ZFP42: variants seen among roughly 807,000 people sequenced by gnomAD.
ZFP42 encodes the protein ZFP42 zinc finger protein, also known as zinc finger protein 42 homolog.
For missense variants in ZFP42, 438 were observed against 377.1 expected (o/e 1.16, Z -1.34); for synonymous variants, 175 against 144.6 (o/e 1.21, Z -1.51).
chr4:187,997,007 G>GGAGCA (rs1733607814), intron 1 of ZFP42, among the ~76,000 whole-genome samples: 6 of 18,042 alleles, frequency 3.3e-4, no homozygotes, highest in South Asian at 5.7e-3. Context: ...AGCATGGAGC[G>GGAGCA]TGGAGCGTGG....
Position 188,002,177 on chromosome 4 carries a change from CAAAAAAAAA to C in ZFP42, c.-95-535_-95-527del, listed in dbSNP as rs1378707822. Among the ~76,000 whole-genome samples the C allele has an allele frequency of 3.3e-5, 5 of 150,454 alleles. No homozygotes were observed. In the South Asian group the frequency reaches 6.3e-4, roughly 19 times the overall value. On this transcript the variant is annotated intron_variant, in intron 3 of 3. Coordinates refer to ENST00000326866, the MANE Select transcript of ZFP42 (RefSeq NM_174900.5). ...GGGCGACAGAGTGAGACTCCGTCTC[CAAAAAAAAA>C]GAAGAAAAAGAAAAGACAGTATTTT...
intron 3 of ZFP42, among the ~76,000 whole-genome samples, chr4:188,001,895 A>T (rs1448323751): frequency 1.3e-5 from 2 of 152,214 alleles, no homozygotes; most frequent in Non-Finnish European, 2.9e-5. Flanking sequence ...AGAAAACAAT[A>T]GGGCCAGGCA....
At chr4:188,001,103 TG>T (rs1733793961) in intron 3 of ZFP42, among the ~76,000 whole-genome samples, 1 of 152,180 alleles carries the variant, frequency 6.6e-6, no homozygotes, top group Non-Finnish European at 1.5e-5. Flanking sequence ...CCCCTACAGT[TG>T]GAACACATTT....
downstream of ZFP42, chr4:188,005,107 A>G (rs1461508199): frequency 6.0e-6 from 1 of 167,020 alleles, no homozygotes; most frequent in African/African-American, 2.4e-5. Flanking sequence ...GATACCATTT[A>G]TTTGTTCTTA....
chr4:188,001,830 G>A (rs566934880), intron 3 of ZFP42, among the ~76,000 whole-genome samples: 7 of 152,190 alleles, frequency 4.6e-5, no homozygotes, highest in Non-Finnish European at 8.8e-5. Flanking sequence ...ACCATAATCC[G>A]TGCTAAGCAC....
intron 3 of ZFP42, among the ~76,000 whole-genome samples, chr4:188,002,019 C>T (rs1039224862): frequency 2.6e-5 from 4 of 151,916 alleles, no homozygotes; most frequent in African/African-American, 9.7e-5. Flanking sequence ...TCTACTAAAA[C>T]TAGAAAAAGT....
Position 188,002,816 on chromosome 4 carries a change from G to T in ZFP42, c.9G>T (p.Gln3His), listed in dbSNP as rs1733880806. Residue 3 changes from glutamine to histidine, a missense_variant, in exon 4 of 4, where the codon CAG becomes CAT. By Grantham distance (24) the Gln-to-His change is conservative. Coordinates refer to ENST00000326866, the MANE Select transcript of ZFP42 (RefSeq NM_174900.5). ...GGCACAGGCAGGAAAACATGAGCCAGCAACTGAAGAAACGGGCAAAGACAA... is the reference window on the plus strand; with the variant it reads ...GGCACAGGCAGGAAAACATGAGCCATCAACTGAAGAAACGGGCAAAGACAA... MS[Q>H]QLKKRAKTRH... 6.2e-7 allele frequency: 1 copy of T among 1,613,630 alleles called. No individual in the cohort carries two copies. The highest frequency in any genetic ancestry group is 1.1e-5 in the South Asian group (1 of 91,080).
chr4:187,997,316 C>T (rs1733639939), intron 1 of ZFP42, among the ~76,000 whole-genome samples: 1 of 141,224 alleles, frequency 7.1e-6, no homozygotes, highest in South Asian at 2.3e-4. Flanking sequence ...TCACTGCAAC[C>T]TCCGCCTCCT....
rs113438441 is a variant in ZFP42 at position 188,003,581 on chromosome 4, G to A, written c.774G>A (p.Leu258=). 2.2e-3 allele frequency: 3,540 copies of A among 1,613,522 alleles called. 57 individuals carry two copies. The African/African-American group carries it at 0.041, about 19-fold the overall frequency. ...TFEGCGKRFS[L]DFNLRTHVRI... is the part of the protein sequence containing the mutation. Reference sequence around the variant, plus strand: ...AAGGGTGCGGAAAGCGCTTCTCTCTGGACTTTAATTTGCGTACGCACGTGC... The same window carrying A: ...AAGGGTGCGGAAAGCGCTTCTCTCTAGACTTTAATTTGCGTACGCACGTGC... Residue 258 remains leucine (L), a synonymous_variant, in exon 4 of 4, where the codon CTG becomes CTA. Transcript: ENST00000326866.
At chr4:188,001,831 T>C (rs1733834733) in intron 3 of ZFP42, among the ~76,000 whole-genome samples, 1 of 152,254 alleles carries the variant, frequency 6.6e-6, no homozygotes, top group East Asian at 1.9e-4. Context: ...CCATAATCCG[T>C]GCTAAGCACT....
chr4:187,998,648 T>C (rs1360891463), intron 1 of ZFP42, among the ~76,000 whole-genome samples: 1 of 152,154 alleles, frequency 6.6e-6, no homozygotes, highest in Non-Finnish European at 1.5e-5. Context: ...TACTTACTGT[T>C]GTGTTACAGT....
chr4:188,005,164 T>C (rs952986341), downstream of ZFP42: 4 of 165,944 alleles, frequency 2.4e-5, no homozygotes, highest in Admixed American at 2.0e-4. Flanking sequence ...AGGTGAGATA[T>C]GGCGGGAAGT....
rs867834708 is a variant in ZFP42 at position 188,003,315 on chromosome 4, G to A, written c.508G>A (p.Glu170Lys). 6.2e-7 allele frequency: 1 copy of A among 1,614,122 alleles called. No homozygotes were observed. The highest frequency in any genetic ancestry group is 8.5e-7 in the Non-Finnish European group (1 of 1,180,040). The change falls in exon 4 of 4, where the codon GAA (glutamate) becomes AAA (lysine). Residue 170 changes from glutamate to lysine, a missense_variant. Coordinates refer to ENST00000326866, the MANE Select transcript of ZFP42 (RefSeq NM_174900.5). ...CCTATCAGATCCTAAACAGCTCGCA[G>A]AATTTGCTAGAAAGAAGCCCCCCAT... ...IDLSDPKQLA[E>K]FARKKPPINK...
chr4:187,997,228 C>CTTTTTTTTTTTTTTTTTTTTTTTT lies in ZFP42; in HGVS notation c.-339+1410_-339+1411insTTTTTTTTTTTTTTTTTTTTTTTT, dbSNP rs71595201. Among the ~76,000 whole-genome samples the CTTTTTTTTTTTTTTTTTTTTTTTT allele has an allele frequency of 8.8e-4, 53 of 60,018 alleles. 16 individuals carry two copies. Among genetic ancestry groups the CTTTTTTTTTTTTTTTTTTTTTTTT allele is most frequent in the African/African-American group, 2.7e-3 (35 of 12,744 alleles). 39.4% of individuals were successfully genotyped at this position (60,018 alleles called of 152,430 possible). ...CCTCGGTTACTTCCCCTCTCATATT[C>CTTTTTTTTTTTTTTTTTTTTTTTT]TTTTTTTTTTTTTTTTTTTTTTGAG... On this transcript the variant is annotated intron_variant, in intron 1 of 3. Coordinates refer to ENST00000326866, the MANE Select transcript of ZFP42 (RefSeq NM_174900.5).
In ZFP42 at chr4:188,003,976, T is replaced by C. The variant is rs1733959307; in HGVS notation, c.*236T>C. On this transcript the variant is annotated 3_prime_UTR_variant, in exon 4 of 4. Transcript: ENST00000326866. ...TTTTTATTTGTTTTATTTAGAACTT[T>C]GTGTGTTCTTAAAGTGTGCTTCCAA... 2.3e-6 allele frequency: 1 copy of C among 432,940 alleles called. No homozygotes were observed. Among genetic ancestry groups the C allele is most frequent in the African/African-American group, 2.0e-5 (1 of 50,320 alleles). 26.8% of individuals were successfully genotyped at this position (432,940 alleles called of 1,614,324 possible). A position where few individuals can be genotyped will look rare whatever the true frequency, so the allele number is the denominator to read the frequency against.
At chr4:187,998,718 C>T (rs1181870940) in intron 1 of ZFP42, among the ~76,000 whole-genome samples, 2 of 152,118 alleles carry the variant, frequency 1.3e-5, no homozygotes, top group African/African-American at 4.8e-5. Context: ...GAGCCATGGG[C>T]CCTACTGTGT....
Position 188,002,990 on chromosome 4 carries a change from G to A in ZFP42, c.183G>A (p.Gln61=). The A allele has an allele frequency of 4.3e-6, 7 of 1,614,184 alleles. No individual in the cohort carries two copies. The highest frequency in any genetic ancestry group is 5.9e-6 in the Non-Finnish European group (7 of 1,180,024). ...DGYVCYEPGP[Q]ALGGDDFSDC... is the part of the protein sequence containing the mutation. ...ATGTGTGCTATGAGCCTGGCCCTCAGGCTCTCGGAGGGGATGATTTCTCAG... is the reference window on the plus strand; with the variant it reads ...ATGTGTGCTATGAGCCTGGCCCTCAAGCTCTCGGAGGGGATGATTTCTCAG... The change falls in exon 4 of 4, where the codon CAG becomes CAA. Residue 61 remains glutamine, a synonymous_variant. Transcript: ENST00000326866.
chr4:188,003,981 G>T lies in ZFP42; in HGVS notation c.*241G>T, dbSNP rs1733959538. 1 of 403,096 alleles carries T rather than the reference G, an allele frequency of 2.5e-6. No homozygotes were observed. The highest frequency in any genetic ancestry group is 5.1e-5 in the South Asian group (1 of 19,684). The allele number at this position is 403,096 out of a possible 1,614,324, so 25.0% of individuals were successfully genotyped here. On this transcript the variant is annotated 3_prime_UTR_variant, in exon 4 of 4. Coordinates refer to ENST00000326866, the MANE Select transcript of ZFP42 (RefSeq NM_174900.5). ...ATTTGTTTTATTTAGAACTTTGTGTGTTCTTAAAGTGTGCTTCCAACAGGA... is the reference window on the plus strand; with the variant it reads ...ATTTGTTTTATTTAGAACTTTGTGTTTTCTTAAAGTGTGCTTCCAACAGGA...
At position 188,003,948 on chromosome 4, in the gene ZFP42, CTTT is replaced by C. The variant is rs1190010644; in HGVS notation, c.*213_*215del. 1 of 510,742 alleles carries C rather than the reference CTTT, an allele frequency of 2.0e-6. No homozygotes were observed. Among genetic ancestry groups the C allele is most frequent in the African/African-American group, 1.9e-5 (1 of 51,830 alleles). 31.6% of individuals were successfully genotyped at this position (510,742 alleles called of 1,614,324 possible). ...TTTCTTTTATTTGTTTTATTTAGAA[CTTT>C]TTTTATTTGTTTTATTTAGAACTTT... On this transcript the variant is annotated 3_prime_UTR_variant, in exon 4 of 4. Transcript: ENST00000326866.
Sources: gnomAD v4.1 joint callset for allele counts (sites outside exome capture counted in the v4.1 genomes callset) on GRCh38, gnomAD v4.1.1 for gene constraint, MANE v1.5 for transcripts, NCBI Gene and HGNC (gene_info 2026-07-23, HGNC 2026-07-21) for gene names.